RABEP1: variants seen among roughly 807,000 people sequenced by gnomAD.
RABEP1 encodes rabaptin, RAB GTPase binding effector protein 1, also known as rab GTPase-binding effector protein 1.
In RABEP1, 51 loss-of-function variants were observed where a neutral mutation model predicts 123.4. The ratio of observed to expected loss-of-function variants is 0.41; its 90% CI spans 0.33 to 0.52. The LOEUF (loss-of-function observed/expected upper bound fraction) is 0.52, where lower values mean the gene tolerates loss of function less well. Among genes scored for constraint, RABEP1 ranks in the 20% least tolerant of loss-of-function variants. RABEP1 has a pLI of 0.16. For missense variants in RABEP1, 888 were observed against 996.3 expected (o/e 0.89, Z 1.46); for synonymous variants, 347 against 355.2 (o/e 0.98, Z 0.26).
chr17:5,293,258 G>T (rs1287014649), intron 1 of RABEP1, among the ~76,000 whole-genome samples: 1 of 151,802 alleles, frequency 6.6e-6, no homozygotes, highest in African/African-American at 2.4e-5. Flanking sequence ...TTGCACTCCA[G>T]CCTGGACAAT....
At chr17:5,377,579 T>C (rs1312652778) in intron 14 of RABEP1, among the ~76,000 whole-genome samples, 7 of 143,366 alleles carry the variant, frequency 4.9e-5, no homozygotes, top group Admixed American at 2.2e-4. Flanking sequence ...CAGGCTGGAG[T>C]GCAATGGCGC....
intron 2 of RABEP1, among the ~76,000 whole-genome samples, chr17:5,325,129 A>G (rs1006797131): frequency 4.6e-5 from 7 of 152,114 alleles, no homozygotes; most frequent in Admixed American, 1.3e-4. Flanking sequence ...CCTGGGCAAC[A>G]TGGTGAAACC....
intron 1 of RABEP1, among the ~76,000 whole-genome samples, chr17:5,306,054 G>A (rs1042859628): frequency 1.3e-5 from 2 of 152,118 alleles, no homozygotes; most frequent in Non-Finnish European, 2.9e-5. Flanking sequence ...AACACATAGC[G>A]ATGCTTCTCG....
Position 5,311,090 on chromosome 17 carries a change from G to A in RABEP1, c.163+2268G>A, listed in dbSNP as rs150132963. On this transcript the variant is annotated intron_variant, in intron 2 of 17. Coordinates refer to ENST00000537505, the MANE Select transcript of RABEP1 (RefSeq NM_004703.6). ...CTCCCAGAGTGCTGGGATTACAGGCGTGAGCCACCACAATGGGCTTGCGTG... is the reference window on the plus strand; with the variant it reads ...CTCCCAGAGTGCTGGGATTACAGGCATGAGCCACCACAATGGGCTTGCGTG... Among the ~76,000 whole-genome samples, 857 of 152,112 alleles carry A rather than the reference G, an allele frequency of 5.6e-3. 7 individuals are homozygous for A. Among genetic ancestry groups the A allele is most frequent in the African/African-American group, 0.019 (796 of 41,492 alleles).
chr17:5,308,602 G>GT, intron 1 of RABEP1, 92 bp from the exon 2 acceptor site: 1 of 1,123,106 alleles, frequency 8.9e-7, no homozygotes, highest in Non-Finnish European at 1.2e-6. Context: ...CTTGTTTCAC[G>GT]TATAGCAATG....
Position 5,314,234 on chromosome 17 carries a change from C to CTTTTTTTTTTTTTTTTTTTTTT in RABEP1, c.163+5417_163+5438dup, listed in dbSNP as rs71151864. 3.6e-5 allele frequency among the ~76,000 whole-genome samples: 2 copies of CTTTTTTTTTTTTTTTTTTTTTT among 55,584 alleles called. 1 individual carries two copies. The highest frequency in any genetic ancestry group is 6.4e-5 in the Non-Finnish European group (2 of 31,358). 36.5% of individuals were successfully genotyped at this position (55,584 alleles called of 152,430 possible). ...GCCTGTTCTTTTCTTAGTACCTATT[C>CTTTTTTTTTTTTTTTTTTTTTT]TTTTTTTTTTTTTTTTTTTTTTTTT... is the stretch of plus-strand genomic sequence containing the variant. On this transcript the variant is annotated intron_variant, in intron 2 of 17. Transcript: ENST00000537505.
intron 1 of RABEP1, among the ~76,000 whole-genome samples, chr17:5,285,566 C>T (rs1426806443): frequency 6.6e-6 from 1 of 152,220 alleles, no homozygotes; most frequent in Non-Finnish European, 1.5e-5. Context: ...TTCCCTATCT[C>T]ACTTAATAAA....
chr17:5,349,504 G>A (rs1908341976), intron 6 of RABEP1, among the ~76,000 whole-genome samples: 1 of 152,150 alleles, frequency 6.6e-6, no homozygotes, highest in Admixed American at 6.5e-5. Context: ...TGGCTGAGCT[G>A]ATGAGTATCA....
In RABEP1 at chr17:5,380,384, G is replaced by A. The variant is rs1188964948; in HGVS notation, c.2292G>A (p.Glu764=). Residue 764 remains glutamate (E), a synonymous_variant, in exon 16 of 18, where the codon GAG becomes GAA. Coordinates refer to ENST00000537505, the MANE Select transcript of RABEP1 (RefSeq NM_004703.6). The part of the protein sequence containing the change: ...EKGQLESTLR[E]KSQQLESLQE... ...CACAGTTGGAGTCCACATTAAGAGA[G>A]AAGTCTCAACAGCTTGAGAGTCTTC... is the stretch of plus-strand genomic sequence containing the variant. 2.5e-6 allele frequency: 4 copies of A among 1,570,396 alleles called. No individual in the cohort carries two copies. The highest frequency in any genetic ancestry group is 3.5e-6 in the Non-Finnish European group (4 of 1,156,328).
At chr17:5,367,999 T>C (rs1317062651) in intron 11 of RABEP1, among the ~76,000 whole-genome samples, 4 of 146,150 alleles carry the variant, frequency 2.7e-5, no homozygotes, top group East Asian at 2.5e-4. Flanking sequence ...TCAGGTGATC[T>C]GCCCGCCTCA....
At chr17:5,382,983 T>A (rs992289070) in intron 17 of RABEP1, 139 bp from the exon 18 acceptor site, 7 of 665,118 alleles carry the variant, frequency 1.1e-5, no homozygotes, top group African/African-American at 5.5e-5. Context: ...ATTTTTAAAA[T>A]TTTTAATTGT....
chr17:5,377,590 G>A (rs911261653), intron 14 of RABEP1, among the ~76,000 whole-genome samples: 5 of 145,646 alleles, frequency 3.4e-5, no homozygotes, highest in Non-Finnish European at 5.9e-5. Context: ...GCAATGGCGC[G>A]ATCTTGGCTC....
chr17:5,342,057 C>G (rs1470588570), intron 5 of RABEP1, among the ~76,000 whole-genome samples: 1 of 151,948 alleles, frequency 6.6e-6, no homozygotes, highest in Non-Finnish European at 1.5e-5. Flanking sequence ...TATAAAGAAA[C>G]CAGAGAATGT....
intron 2 of RABEP1, among the ~76,000 whole-genome samples, chr17:5,321,337 G>A (rs1268776875): frequency 6.6e-6 from 1 of 152,242 alleles, no homozygotes; most frequent in Admixed American, 6.5e-5. Context: ...CAGCTACTTG[G>A]AAGCCTGAGG....
intron 2 of RABEP1, among the ~76,000 whole-genome samples, chr17:5,330,099 A>G (rs1292733270): frequency 2.0e-5 from 3 of 152,120 alleles, no homozygotes; most frequent in Admixed American, 1.3e-4. Context: ...CCCAGAAATA[A>G]TGCTTTTTCT....
rs543819565 is a variant in RABEP1, at chr17:5,375,781, C to T, written c.2026-1335C>T. Among the ~76,000 whole-genome samples, 34 of 152,234 alleles carry T rather than the reference C, an allele frequency of 2.2e-4. No homozygotes were observed. The South Asian group carries it at 6.6e-3, about 30-fold the overall frequency. ...TAAAATCACTGTTTACCACCTTCCA[C>T]CTGTTAGATTTTTCTCTTTTGTCAG... On this transcript the variant is annotated intron_variant, in intron 13 of 17. Transcript: ENST00000537505.
chr17:5,332,765 C>T (rs913973429), intron 3 of RABEP1, among the ~76,000 whole-genome samples: 4 of 151,930 alleles, frequency 2.6e-5, no homozygotes, highest in African/African-American at 9.7e-5. Flanking sequence ...TGTGCCACCA[C>T]GCCCAGCTAA....
intron 1 of RABEP1, among the ~76,000 whole-genome samples, chr17:5,298,251 G>A (rs908312128): frequency 6.6e-6 from 1 of 152,180 alleles, no homozygotes; most frequent in African/African-American, 2.4e-5. Context: ...TAACCCAAGT[G>A]TAGGGAGATA....
chr17:5,386,154 GT>G lies in RABEP1; in HGVS notation c.*2934del. 7.2e-7 allele frequency: 1 copy of G among 1,388,802 alleles called. No homozygotes were observed. Among genetic ancestry groups the G allele is most frequent in the Non-Finnish European group, 1.0e-6 (1 of 992,898 alleles). The allele number at this position is 1,388,802 out of a possible 1,614,324, so 86.0% of individuals were successfully genotyped here. The stretch of plus-strand genomic sequence containing the variant: ...TAATTCTACCTGTTTTACAATATGG[GT>G]TTAAGCCTTCAATGGTGTTCAGTTC... On this transcript the variant is annotated 3_prime_UTR_variant, in exon 18 of 18. Transcript: ENST00000537505.
Sources: allele counts gnomAD v4.1 joint callset (sites outside exome capture counted in the v4.1 genomes callset), GRCh38; gene constraint gnomAD v4.1.1; transcripts MANE v1.5; gene names NCBI Gene and HGNC (gene_info 2026-07-23, HGNC 2026-07-21).